The following EYS variants were observed in gnomAD, a reference collection of about 807,000 sequenced individuals.
EYS encodes the protein EGF-like photoreceptor maintenance factor.
A neutral mutation model predicts 282.1 loss-of-function variants in EYS; 250 were observed. The observed-to-expected ratio is 0.89, with a 90% confidence interval of 0.80 to 0.98. EYS has a LOEUF of 0.98. EYS is among the 50% of genes least tolerant of loss of function. EYS has a pLI of 0.00. For synonymous variants in EYS, 1,355 were observed against 1,282.9 expected (o/e 1.06, Z -1.20); for missense variants, 4,016 against 3,709.0 (o/e 1.08, Z -2.15).
chr6:64,610,475 C>CTCACTGCCAGCTCCAAATCCCCGGT (rs1767079742), intron 24 of EYS, among the ~76,000 whole-genome samples: 1 of 147,998 alleles, frequency 6.8e-6, no homozygotes, highest in Non-Finnish European at 1.5e-5. Flanking sequence ...AAGATCTCGG[C>CTCACTGCCAGCTCCAAATCCCCGGT]TCACTGCCAG....
At position 63,755,713 on chromosome 6, in the gene EYS, A is replaced by G. The variant is rs540456797; in HGVS notation, c.8071+6748T>C. ...GGGGATAGCATTGAGTCCATAAATTACCTTGGGCAGTATGGCCATTTTCAC... is the reference window on the plus strand; with the variant it reads ...GGGGATAGCATTGAGTCCATAAATTGCCTTGGGCAGTATGGCCATTTTCAC... On this transcript the variant is annotated intron_variant, in intron 41 of 42. Coordinates refer to ENST00000503581, the MANE Select transcript of EYS (RefSeq NM_001142800.2). Among the ~76,000 whole-genome samples the G allele has an allele frequency of 5.3e-5, 8 of 152,236 alleles. No homozygotes were observed. In the East Asian group the frequency reaches 1.5e-3, roughly 29 times the overall value.
chr6:64,063,996 T>C (rs1369532801), intron 33 of EYS, among the ~76,000 whole-genome samples: 2 of 152,148 alleles, frequency 1.3e-5, no homozygotes, highest in African/African-American at 4.8e-5. Context: ...GGTTTTTTCA[T>C]GTACTCTTCC....
intron 12 of EYS, among the ~76,000 whole-genome samples, chr6:65,189,889 A>T (rs1765601101): frequency 6.6e-6 from 1 of 151,804 alleles, no homozygotes; most frequent in Admixed American, 6.6e-5. Context: ...AGATAAACAT[A>T]AGAGCAAAAG....
At position 64,813,471 on chromosome 6, in the gene EYS, C is replaced by CT. The variant is rs1370598098; in HGVS notation, c.3349dup (p.Ser1117LysfsTer3). The stretch of plus-strand genomic sequence containing the variant: ...TTCAGGCTCAGCACAATTATCAATG[C>CT]TTTTTTCACAGTATGCACCAGTGTA... On this transcript the variant is annotated frameshift_variant, in exon 22 of 43. Coordinates refer to ENST00000503581, the MANE Select transcript of EYS (RefSeq NM_001142800.2). LOFTEE classifies it high-confidence loss of function. 2 of 1,550,256 alleles carry CT rather than the reference C, an allele frequency of 1.3e-6. No homozygotes were observed. The highest frequency in any genetic ancestry group is 1.7e-6 in the Non-Finnish European group (2 of 1,146,100).
At chr6:65,333,676 T>A (rs1769877139) in intron 11 of EYS, among the ~76,000 whole-genome samples, 1 of 151,632 alleles carries the variant, frequency 6.6e-6, no homozygotes, top group African/African-American at 2.4e-5. Context: ...ATTTCTCCCT[T>A]AAATTATTTT....
intron 33 of EYS, among the ~76,000 whole-genome samples, chr6:64,051,224 T>C (rs185287289): frequency 6.6e-6 from 1 of 152,272 alleles, no homozygotes; most frequent in Non-Finnish European, 1.5e-5. Context: ...AGCACTACAT[T>C]AAGTGCTGTG....
intron 31 of EYS, among the ~76,000 whole-genome samples, chr6:64,169,275 G>T (rs899635544): frequency 2.6e-5 from 4 of 151,942 alleles, no homozygotes; most frequent in African/African-American, 9.7e-5. Flanking sequence ...GTTTAGAATC[G>T]GGCATGCAGA....
chr6:65,501,218 T>C (rs996670483), intron 2 of EYS, among the ~76,000 whole-genome samples: 3 of 151,882 alleles, frequency 2.0e-5, no homozygotes, highest in African/African-American at 7.2e-5. Context: ...TGAATGTCCA[T>C]GTATACATGT....
intron 2 of EYS, among the ~76,000 whole-genome samples, chr6:65,539,173 C>A (rs1768069753): frequency 6.6e-6 from 1 of 152,112 alleles, no homozygotes; most frequent in African/African-American, 2.4e-5. Flanking sequence ...AGCTGGTGCA[C>A]AAAAATATGC....
At chr6:65,702,885 T>A (rs1769730613) in intron 1 of EYS, among the ~76,000 whole-genome samples, 1 of 152,098 alleles carries the variant, frequency 6.6e-6, no homozygotes, top group Non-Finnish European at 1.5e-5. Flanking sequence ...TGGTCAAACA[T>A]CAGTTTAGAT....
intron 16 of EYS, among the ~76,000 whole-genome samples, chr6:64,910,066 A>G (rs1767946419): frequency 6.6e-6 from 1 of 152,142 alleles, no homozygotes; most frequent in Non-Finnish European, 1.5e-5. Flanking sequence ...CTAAAGCCTT[A>G]AATTTCTACT....
In EYS at chr6:64,584,984, TC is replaced by T. The variant is rs1766187657; in HGVS notation, c.5644+5238del. On this transcript the variant is annotated intron_variant, in intron 26 of 42. Coordinates refer to ENST00000503581, the MANE Select transcript of EYS (RefSeq NM_001142800.2). Reference sequence around the variant, plus strand: ...AGCAATATCGTTACTGGATATATACTCAAAATAAAATAGTTTTACTAAAAAG... The same window carrying T: ...AGCAATATCGTTACTGGATATATACTAAAATAAAATAGTTTTACTAAAAAG... Among the ~76,000 whole-genome samples, 3 of 152,070 alleles carry T rather than the reference TC, an allele frequency of 2.0e-5. 1 individual carries two copies. Among genetic ancestry groups the T allele is most frequent in the Admixed American group, 2.0e-4 (3 of 15,234 alleles).
At chr6:63,934,913 TAAC>T (rs1765011759) in intron 35 of EYS, among the ~76,000 whole-genome samples, 1 of 151,808 alleles carries the variant, frequency 6.6e-6, no homozygotes, top group South Asian at 2.1e-4. Context: ...AAAATAAAAA[TAAC>T]AAAATAAAAA....
At chr6:64,204,572 C>T (rs949517576) in intron 31 of EYS, among the ~76,000 whole-genome samples, 9 of 152,000 alleles carry the variant, frequency 5.9e-5, no homozygotes, top group African/African-American at 1.4e-4. Context: ...CTCAAAAACA[C>T]GCTGCAAGAC....
At chr6:65,480,874 C>T (rs1765582830) in intron 5 of EYS, among the ~76,000 whole-genome samples, 1 of 152,220 alleles carries the variant, frequency 6.6e-6, no homozygotes, top group Admixed American at 6.5e-5. Flanking sequence ...ATAAATACTG[C>T]ATGTTCTCAC....
At chr6:64,992,703 C>A (rs1771106768) in intron 14 of EYS, among the ~76,000 whole-genome samples, 1 of 151,896 alleles carries the variant, frequency 6.6e-6, no homozygotes, top group Non-Finnish European at 1.5e-5. Context: ...TTCTGGAACT[C>A]CGGAGCTCTG....
intron 19 of EYS, among the ~76,000 whole-genome samples, chr6:64,871,569 A>G (rs1248187995): frequency 1.3e-5 from 2 of 152,010 alleles, no homozygotes; most frequent in Non-Finnish European, 2.9e-5. Context: ...AGAGGACAAC[A>G]GAGTAAAAGA....
intron 5 of EYS, among the ~76,000 whole-genome samples, chr6:65,436,763 T>C (rs1768088867): frequency 6.6e-6 from 1 of 152,066 alleles, no homozygotes. Flanking sequence ...GTTCAAGATA[T>C]GTATGAAGAT....
intron 12 of EYS, among the ~76,000 whole-genome samples, chr6:65,146,548 G>A (rs1484054781): frequency 2.0e-5 from 3 of 151,882 alleles, no homozygotes; most frequent in East Asian, 3.9e-4. Flanking sequence ...TTTTCTTCAA[G>A]TAATCCTTGC....
Sources: gnomAD v4.1 joint callset for allele counts (sites outside exome capture counted in the v4.1 genomes callset) on GRCh38, gnomAD v4.1.1 for gene constraint, MANE v1.5 for transcripts, NCBI Gene and HGNC (gene_info 2026-07-23, HGNC 2026-07-21) for gene names.